Variants in HECW2 observed in about 807,000 individuals in gnomAD.
HECW2 encodes E3 ubiquitin-protein ligase HECW2.
Under a neutral mutation model 175.2 loss-of-function variants are expected in HECW2, and 61 were observed. The observed-to-expected ratio is 0.35, with a 90% CI of 0.28 to 0.43. The LOEUF (loss-of-function observed/expected upper bound fraction) is 0.43. Among genes scored for constraint, HECW2 ranks in the 20% least tolerant of loss-of-function variants. HECW2 has a pLI of 1.00. For synonymous variants in HECW2, 671 were observed against 731.0 expected, an observed-to-expected ratio of 0.92 and a Z score of 1.32; for missense variants, 1,524 against 2,000.5, an observed-to-expected ratio of 0.76 and a Z score of 4.54.
intron 5 of HECW2, among the ~76,000 whole-genome samples, chr2:196,327,759 T>C (rs1481976289): frequency 3.9e-5 from 6 of 152,174 alleles, no homozygotes; most frequent in Non-Finnish European, 7.3e-5. Flanking sequence ...TGGTAAGAAA[T>C]AAAACAGATG....
intron 1 of HECW2, among the ~76,000 whole-genome samples, chr2:196,478,320 C>T (rs1686727794): frequency 6.6e-6 from 1 of 152,180 alleles, no homozygotes; most frequent in Non-Finnish European, 1.5e-5. Flanking sequence ...ACTGAAGTCC[C>T]TGCTCAACTA....
At chr2:196,232,053 A>G (rs1488415124) in intron 21 of HECW2, among the ~76,000 whole-genome samples, 3 of 152,146 alleles carry the variant, frequency 2.0e-5, no homozygotes, top group Non-Finnish European at 4.4e-5. Flanking sequence ...GAGTGGGTAG[A>G]ATACTAAGTG....
intron 2 of HECW2, among the ~76,000 whole-genome samples, chr2:196,401,489 T>C (rs2125206025): frequency 6.6e-6 from 1 of 152,348 alleles, no homozygotes; most frequent in African/African-American, 2.4e-5. Context: ...ATTAGTATTA[T>C]TTGAAATTTT....
intron 1 of HECW2, among the ~76,000 whole-genome samples, chr2:196,589,808 C>G (rs1414287626): frequency 6.6e-6 from 1 of 152,194 alleles, no homozygotes; most frequent in African/African-American, 2.4e-5. Context: ...AAGGATTTGT[C>G]CCAATTAGTG....
chr2:196,472,050 T>A (rs989272109), intron 1 of HECW2, among the ~76,000 whole-genome samples: 3 of 151,584 alleles, frequency 2.0e-5, no homozygotes, highest in Non-Finnish European at 2.9e-5. Context: ...ACTGTGGCAT[T>A]CTCAAACTTT....
chr2:196,413,753 A>C (rs1695178960), intron 2 of HECW2, among the ~76,000 whole-genome samples: 1 of 152,174 alleles, frequency 6.6e-6, no homozygotes, highest in Non-Finnish European at 1.5e-5. Context: ...CAGATGAAAA[A>C]CTTGAACCCT....
chr2:196,286,879 TATA>T (rs1162559417), intron 14 of HECW2, among the ~76,000 whole-genome samples: 4 of 152,214 alleles, frequency 2.6e-5, no homozygotes, highest in African/African-American at 9.7e-5. Context: ...CTTTTGAAAT[TATA>T]ATAAGTTGTG....
intron 1 of HECW2, among the ~76,000 whole-genome samples, chr2:196,473,898 T>A (rs1360754062): frequency 1.3e-5 from 2 of 152,238 alleles, no homozygotes; most frequent in African/African-American, 4.8e-5. Context: ...AGGCAGGACA[T>A]ATTTAGAAAA....
chr2:196,447,891 A>G (rs1696233391), intron 1 of HECW2, among the ~76,000 whole-genome samples: 1 of 152,008 alleles, frequency 6.6e-6, no homozygotes, highest in African/African-American at 2.4e-5. Context: ...CCCCATCTCT[A>G]CTAAAAATAC....
intron 2 of HECW2, among the ~76,000 whole-genome samples, chr2:196,393,995 C>G (rs1452972156): frequency 6.6e-6 from 1 of 152,122 alleles, no homozygotes; most frequent in Non-Finnish European, 1.5e-5. Flanking sequence ...GAGTTCATGT[C>G]CTTTGTAGGG....
intron 1 of HECW2, among the ~76,000 whole-genome samples, chr2:196,438,692 A>T (rs2125284621): frequency 6.6e-6 from 1 of 152,352 alleles, no homozygotes; most frequent in Admixed American, 6.5e-5. Context: ...TTCTTTCATT[A>T]CACTTTAGCA....
At chr2:196,588,452 G>T (rs1691065572) in intron 1 of HECW2, among the ~76,000 whole-genome samples, 1 of 152,170 alleles carries the variant, frequency 6.6e-6, no homozygotes, top group Non-Finnish European at 1.5e-5. Flanking sequence ...TATATCAATA[G>T]AATGGTATTA....
At chr2:196,312,161 G>A (rs780133151) in intron 10 of HECW2, among the ~76,000 whole-genome samples, 10 of 151,362 alleles carry the variant, frequency 6.6e-5, no homozygotes, top group African/African-American at 1.9e-4. Flanking sequence ...GCTTATGATC[G>A]GATGAGGTGT....
intron 1 of HECW2, among the ~76,000 whole-genome samples, chr2:196,549,255 G>C (rs1055819782): frequency 2.6e-5 from 4 of 152,176 alleles, no homozygotes; most frequent in East Asian, 1.9e-4. Flanking sequence ...ATAGAGCACA[G>C]TCAGCAGTCT....
chr2:196,297,661 T>C (rs1225254659), intron 13 of HECW2, among the ~76,000 whole-genome samples: 6 of 152,226 alleles, frequency 3.9e-5, no homozygotes, highest in African/African-American at 1.2e-4. Flanking sequence ...TTCTTTCATA[T>C]TTCAGAAAGC....
At chr2:196,381,699 T>A (rs575983864) in intron 2 of HECW2, among the ~76,000 whole-genome samples, 1 of 152,142 alleles carries the variant, frequency 6.6e-6, no homozygotes, top group African/African-American at 2.4e-5. Flanking sequence ...ATCCCCATGA[T>A]AAGGTTCTCT....
At chr2:196,455,898 G>T (rs1470653392) in intron 1 of HECW2, among the ~76,000 whole-genome samples, 1 of 151,396 alleles carries the variant, frequency 6.6e-6, no homozygotes, top group East Asian at 1.9e-4. Flanking sequence ...GAAAAAATTA[G>T]AACACCATTT....
intron 21 of HECW2, among the ~76,000 whole-genome samples, chr2:196,237,293 C>T (rs1382818938): frequency 1.3e-5 from 2 of 152,126 alleles, no homozygotes; most frequent in African/African-American, 4.8e-5. Flanking sequence ...GCACCATCAC[C>T]TGAGCAGTGT....
At chr2:196,392,254 T>C (rs1165040465) in intron 2 of HECW2, among the ~76,000 whole-genome samples, 1 of 152,168 alleles carries the variant, frequency 6.6e-6, no homozygotes, top group Admixed American at 6.5e-5. Flanking sequence ...ATGCCCAACA[T>C]CGCTAATTGA....
Sources: gnomAD v4.1 joint callset for allele counts (sites outside exome capture counted in the v4.1 genomes callset) on GRCh38, gnomAD v4.1.1 for gene constraint, MANE v1.5 for transcripts, NCBI Gene and HGNC (gene_info 2026-07-23, HGNC 2026-07-21) for gene names.